Variants in DCAF4 observed in about 807,000 individuals in gnomAD.
The protein encoded by DCAF4 is DDB1- and CUL4-associated factor 4.
Under a neutral mutation model 60.9 loss-of-function variants are expected in DCAF4, and 37 were observed. The observed-to-expected ratio is 0.61, with a 90% CI of 0.47 to 0.80. The LOEUF is 0.80. DCAF4 is among the 30% of genes least tolerant of loss of function. The pLI, the probability that DCAF4 is intolerant of heterozygous loss-of-function variation, is 0.00. For synonymous variants in DCAF4, 243 were observed against 254.8 expected, an observed-to-expected ratio of 0.95 and a Z score of 0.44; for missense variants, 577 against 650.0, an observed-to-expected ratio of 0.89 and a Z score of 1.22.
At chr14:72,939,056 A>G (rs1236533509) in intron 2 of DCAF4, among the ~76,000 whole-genome samples, 2 of 151,710 alleles carry the variant, frequency 1.3e-5, no homozygotes, top group African/African-American at 4.8e-5. Flanking sequence ...ATGTATTTTT[A>G]AAATAAAGTT....
At chr14:72,928,651 G>C (rs562000465) in intron 1 of DCAF4, among the ~76,000 whole-genome samples, 4 of 150,628 alleles carry the variant, frequency 2.7e-5, no homozygotes, top group Non-Finnish European at 5.9e-5. Flanking sequence ...TTTTTAAAAG[G>C]GTTCAATCCA....
intron 2 of DCAF4, among the ~76,000 whole-genome samples, chr14:72,938,701 G>C (rs761552600): frequency 2.6e-5 from 4 of 152,060 alleles, no homozygotes; most frequent in Non-Finnish European, 5.9e-5. Context: ...TGGTATTTGT[G>C]TATCTCAACA....
intron 2 of DCAF4, among the ~76,000 whole-genome samples, 193 bp downstream of exon 2, chr14:72,938,263 G>A (rs1889567930): frequency 6.6e-6 from 1 of 152,112 alleles, no homozygotes; most frequent in African/African-American, 2.4e-5. Context: ...CGCTTTGGTG[G>A]GTCAGCCCAC....
chr14:72,942,077 T>C, intron 5 of DCAF4: 1 of 450,704 alleles, frequency 2.2e-6, no homozygotes, highest in East Asian at 3.6e-5. Flanking sequence ...GGCAGAGATG[T>C]CTATTCTCTG....
chr14:72,928,611 A>G (rs183292262), intron 1 of DCAF4, among the ~76,000 whole-genome samples: 4,242 of 106,996 alleles, frequency 0.04, 96 homozygotes, highest in Non-Finnish European at 0.064. Flanking sequence ...ATATATATAT[A>G]TATATAGTTC....
intron 4 of DCAF4, 32 bp from the exon 5 acceptor site, chr14:72,941,713 T>C (rs755052056): frequency 2.5e-6 from 4 of 1,592,224 alleles, no homozygotes; most frequent in Non-Finnish European, 3.4e-6. Context: ...TAAATCTTCA[T>C]TGAATTGTTC....
intron 1 of DCAF4, among the ~76,000 whole-genome samples, chr14:72,931,261 C>CTT (rs1458018086): frequency 2.6e-5 from 2 of 75,640 alleles, no homozygotes; most frequent in African/African-American, 7.8e-5. Flanking sequence ...AGTACTTTTT[C>CTT]TCTTTTTTTT....
In DCAF4 at chr14:72,958,843, T is replaced by G; in HGVS notation, c.*38T>G. The G allele has an allele frequency of 6.6e-7, 1 of 1,515,798 alleles. No individual in the cohort carries two copies. Among genetic ancestry groups the G allele is most frequent in the Non-Finnish European group, 8.8e-7 (1 of 1,133,556 alleles). The allele number at this position is 1,515,798 out of a possible 1,614,324, so 93.9% of individuals were successfully genotyped here. On this transcript the variant is annotated 3_prime_UTR_variant, in exon 14 of 14. Transcript: ENST00000358377. ...CAGCCCAGAGCCATGTGGATTTGACTTACGGGAGTAAAGCGTAACTTTTTA... is the reference window on the plus strand; with the variant it reads ...CAGCCCAGAGCCATGTGGATTTGACGTACGGGAGTAAAGCGTAACTTTTTA...
chr14:72,931,081 G>T (rs1888507280), intron 1 of DCAF4, among the ~76,000 whole-genome samples: 1 of 152,016 alleles, frequency 6.6e-6, no homozygotes, highest in South Asian at 2.1e-4. Context: ...GATGATTTTG[G>T]GTATTCTGGG....
Position 72,943,031 on chromosome 14 carries a change from A to G in DCAF4, c.469A>G (p.Lys157Glu). The G allele has an allele frequency of 6.2e-7, 1 of 1,613,994 alleles. No homozygotes were observed. Among genetic ancestry groups the G allele is most frequent in the Non-Finnish European group, 8.5e-7 (1 of 1,179,902 alleles). ...GCTGCGTCTCAGCTGCATGGAGAGG[A>G]AAAAGGTCCAGATTCGAAGCATGGA... ...HELRLSCMER[K>E]KVQIRSMDPS... The change falls in exon 6 of 14, where the codon AAA becomes GAA. Residue 157 changes from lysine (K) to glutamate (E), a missense_variant. Physicochemically the swap from Lys to Glu is moderately conservative, Grantham distance 56 (BLOSUM62 1). Coordinates refer to ENST00000358377, the MANE Select transcript of DCAF4 (RefSeq NM_015604.4).
chr14:72,953,906 T>TG (rs2140302183), intron 9 of DCAF4, among the ~76,000 whole-genome samples: 1 of 149,040 alleles, frequency 6.7e-6, no homozygotes, highest in African/African-American at 2.5e-5. Context: ...TCCAACAGTA[T>TG]ACTACCTCCC....
At chr14:72,958,184 G>A (rs570577720) in intron 13 of DCAF4, 5 of 180,542 alleles carry the variant, frequency 2.8e-5, no homozygotes, top group African/African-American at 1.2e-4. Context: ...GAGGCAGAAG[G>A]ATGGCTTGGG....
intron 8 of DCAF4, among the ~76,000 whole-genome samples, chr14:72,947,569 A>G (rs1890896736): frequency 6.6e-6 from 1 of 152,206 alleles, no homozygotes; most frequent in African/African-American, 2.4e-5. Context: ...ACACAGACCC[A>G]GTATTCCTGC....
Position 72,951,855 on chromosome 14 carries a change from A to G in DCAF4, c.786A>G (p.Ser262=). The G allele has an allele frequency of 1.2e-6, 2 of 1,614,034 alleles. No individual in the cohort carries two copies. The highest frequency in any genetic ancestry group is 1.7e-6 in the Non-Finnish European group (2 of 1,179,992). ...GCTGTGCCACCCTGCTCCCAGCATC[A>G]CTGTTCGTCAATAGTCACCCAGGTA... ...TPGCATLLPA[S]LFVNSHPGID... is the part of the protein sequence containing the mutation. Residue 262 remains serine (S), a synonymous_variant, in exon 9 of 14, where the codon TCA becomes TCG. Coordinates refer to ENST00000358377, the MANE Select transcript of DCAF4 (RefSeq NM_015604.4).
rs1892000519 is a variant in DCAF4, at chr14:72,954,454, G to A, written c.976G>A (p.Asp326Asn). ...GHRQSFGTNS[D>N]VLAQQFALMA... ...CCGGCAGTCCTTTGGGACCAACAGT[G>A]ATGTCTTGGCCCAGCAGTTTGCTCT... Residue 326 changes from aspartate (D) to asparagine (N), a missense_variant, in exon 11 of 14, where the codon GAT (aspartate) becomes AAT (asparagine). Asp to Asn is a conservative substitution (Grantham distance 23). Coordinates refer to ENST00000358377, the MANE Select transcript of DCAF4 (RefSeq NM_015604.4). 8.1e-6 allele frequency: 13 copies of A among 1,614,238 alleles called. No individual in the cohort carries two copies. The highest frequency in any genetic ancestry group is 1.1e-5 in the Non-Finnish European group (13 of 1,180,048).
At chr14:72,955,052 A>G (rs1892080031) in intron 11 of DCAF4, among the ~76,000 whole-genome samples, 1 of 151,798 alleles carries the variant, frequency 6.6e-6, no homozygotes, top group Admixed American at 6.6e-5. Context: ...CGGAGGTTGC[A>G]GTGAGCCAAG....
Position 72,959,551 on chromosome 14 carries a change from T to C in DCAF4, c.*746T>C, listed in dbSNP as rs1594817423. On this transcript the variant is annotated 3_prime_UTR_variant, in exon 14 of 14. Coordinates refer to ENST00000358377, the MANE Select transcript of DCAF4 (RefSeq NM_015604.4). ...GGGCCCGGCGTCAAAGGAAATTGGT[T>C]TTGACTTTTTGTAATCTAGGAGCGA... 4 of 985,380 alleles carry C rather than the reference T, an allele frequency of 4.1e-6. No homozygotes were observed. In the South Asian group the frequency reaches 1.4e-4, roughly 35 times the overall value. The allele number at this position is 985,380 out of a possible 1,614,324, so 61.0% of individuals were successfully genotyped here.
chr14:72,961,828 G>C, downstream of DCAF4: 1 of 1,055,982 alleles, frequency 9.5e-7, no homozygotes, highest in Non-Finnish European at 1.2e-6. Context: ...GCAGGCTCAG[G>C]CCTCTCTCTC....
chr14:72,951,891 C>G lies in DCAF4; in HGVS notation c.808+14C>G. On this transcript the variant is annotated intron_variant, in intron 9 of 13. Transcript: ENST00000358377. ...ATAGTCACCCAGGTACAGGGTTCTC[C>G]TCCTTTAAAGAAATCTGTCCTCTGT... The G allele has an allele frequency of 1.2e-6, 2 of 1,613,952 alleles. No individual in the cohort carries two copies. Among genetic ancestry groups the G allele is most frequent in the Non-Finnish European group, 1.7e-6 (2 of 1,179,842 alleles).
Sources: gnomAD v4.1 joint callset for allele counts (sites outside exome capture counted in the v4.1 genomes callset) on GRCh38, gnomAD v4.1.1 for gene constraint, MANE v1.5 for transcripts, NCBI Gene and HGNC (gene_info 2026-07-23, HGNC 2026-07-21) for gene names.